Variants in RERE observed in about 807,000 individuals in gnomAD.
The protein encoded by RERE is arginine-glutamic acid dipeptide repeats.
Under a neutral mutation model 146.1 loss-of-function variants are expected in RERE, and 40 were observed. The observed-to-expected ratio is 0.27, with a 90% CI of 0.21 to 0.36. The LOEUF (loss-of-function observed/expected upper bound fraction) is 0.36, where lower values mean the gene tolerates loss of function less well. RERE is among the 10% of genes least tolerant of loss of function. The pLI is 1.00. For synonymous variants in RERE, 1,003 were observed against 866.0 expected, an observed-to-expected ratio of 1.16 and a Z score of -2.78; for missense variants, 1,933 against 2,138.7, an observed-to-expected ratio of 0.90 and a Z score of 1.90.
chr1:8,453,759 T>C (rs1390575799), intron 11 of RERE, among the ~76,000 whole-genome samples: 1 of 152,056 alleles, frequency 6.6e-6, no homozygotes, highest in African/African-American at 2.4e-5. Flanking sequence ...TGAGCTGAGA[T>C]CACACCATTG....
chr1:8,741,846 ATGT>A (rs1640316770), intron 1 of RERE, among the ~76,000 whole-genome samples: 1 of 152,238 alleles, frequency 6.6e-6, no homozygotes, highest in African/African-American at 2.4e-5. Flanking sequence ...TATATCTGAT[ATGT>A]TGATCAGTGT....
chr1:8,381,111 T>C (rs1229304825), intron 12 of RERE: 3 of 417,876 alleles, frequency 7.2e-6, no homozygotes, highest in African/African-American at 2.1e-5. Context: ...CACACTTTAC[T>C]GACCCATAGG....
intron 12 of RERE, among the ~76,000 whole-genome samples, chr1:8,386,748 CAAGTA>C (rs1168066218): frequency 1.3e-5 from 2 of 151,904 alleles, no homozygotes; most frequent in Non-Finnish European, 2.9e-5. Flanking sequence ...GTTGGATTTT[CAAGTA>C]AAGTTTACCT....
chr1:8,387,179 G>A (rs997134786), intron 12 of RERE, among the ~76,000 whole-genome samples: 4 of 152,192 alleles, frequency 2.6e-5, no homozygotes, highest in African/African-American at 4.8e-5. Context: ...CACTCTTATG[G>A]AAATTTCACT....
chr1:8,368,598 A>G (rs1570063806), intron 12 of RERE, among the ~76,000 whole-genome samples: 1 of 152,280 alleles, frequency 6.6e-6, no homozygotes, highest in East Asian at 1.9e-4. Context: ...AGCCTCTGCC[A>G]TGCCTTCAAG....
At chr1:8,444,920 T>TA (rs58458546) in intron 11 of RERE, among the ~76,000 whole-genome samples, 350 of 141,114 alleles carry the variant, frequency 2.5e-3, no homozygotes, top group Non-Finnish European at 2.3e-3. Context: ...TTTCTTTATT[T>TA]AAAAAAAAAA....
intron 10 of RERE, among the ~76,000 whole-genome samples, chr1:8,492,394 A>T (rs1219556000): frequency 6.6e-6 from 1 of 152,224 alleles, no homozygotes; most frequent in East Asian, 1.9e-4. Context: ...ATATGGCAAG[A>T]TCTTCATTAT....
chr1:8,727,482 T>A (rs1639995487), intron 1 of RERE, among the ~76,000 whole-genome samples: 1 of 151,870 alleles, frequency 6.6e-6, no homozygotes, highest in Non-Finnish European at 1.5e-5. Context: ...AATTACCCAC[T>A]GTTTTTTATT....
At chr1:8,386,687 A>G (rs982213836) in intron 12 of RERE, among the ~76,000 whole-genome samples, 25 of 152,086 alleles carry the variant, frequency 1.6e-4, no homozygotes, top group African/African-American at 5.8e-4. Flanking sequence ...GATGCCCAAT[A>G]TGATTAGTAA....
chr1:8,383,147 G>A (rs1005255227), intron 12 of RERE, among the ~76,000 whole-genome samples: 1 of 151,906 alleles, frequency 6.6e-6, no homozygotes, highest in Non-Finnish European at 1.5e-5. Flanking sequence ...TGGTAATGGT[G>A]TCTGGGCCTA....
chr1:8,546,597 C>T (rs542492131), intron 6 of RERE, among the ~76,000 whole-genome samples: 2 of 151,924 alleles, frequency 1.3e-5, no homozygotes, highest in African/African-American at 4.8e-5. Context: ...CCTGTAATTC[C>T]AGCACTTTGG....
intron 10 of RERE, among the ~76,000 whole-genome samples, chr1:8,490,149 T>C (rs1570326020): frequency 6.7e-6 from 1 of 150,296 alleles, no homozygotes; most frequent in Non-Finnish European, 1.5e-5. Context: ...GATCACGAGG[T>C]CAAGAGGTCA....
At chr1:8,529,439 G>A (rs1033677144) in intron 7 of RERE, among the ~76,000 whole-genome samples, 2 of 148,846 alleles carry the variant, frequency 1.3e-5, no homozygotes, top group Non-Finnish European at 3.0e-5. Flanking sequence ...ACAGGTGCCC[G>A]CCACTACACC....
Position 8,355,463 on chromosome 1 carries a change from G to A in RERE, c.4623C>T (p.Pro1541=), listed in dbSNP as rs745557455. 3 of 1,612,888 alleles carry A rather than the reference G, an allele frequency of 1.9e-6. No individual in the cohort carries two copies. The Admixed American group carries it at 5.0e-5, about 27-fold the overall frequency. ...TTGGTAGGTGGCCACCATGCATGTG[G>A]GGGTGTCCATGCAGCCACTGCTGCT... ...AMEQQWLHGH[P]HMHGGHLPSQ... The change falls in exon 22 of 23, where the codon CCC becomes CCT. Residue 1541 remains proline (P), a synonymous_variant. Coordinates refer to ENST00000400908, the MANE Select transcript of RERE (RefSeq NM_001042681.2).
chr1:8,795,120 C>T (rs1469232170), intron 1 of RERE, among the ~76,000 whole-genome samples: 2 of 152,064 alleles, frequency 1.3e-5, no homozygotes, highest in Non-Finnish European at 2.9e-5. Context: ...CTCTGCCTCC[C>T]GGGTTTAGGT....
At chr1:8,753,143 T>G (rs190064925) in intron 1 of RERE, among the ~76,000 whole-genome samples, 1 of 152,302 alleles carries the variant, frequency 6.6e-6, no homozygotes, top group Non-Finnish European at 1.5e-5. Context: ...CTTCCTCTCC[T>G]GGGAGTTTCC....
rs1569651434 is a variant in RERE, at chr1:8,729,362, C to T, written c.-144-72921G>A. On this transcript the variant is annotated intron_variant, in intron 1 of 22. Coordinates refer to ENST00000400908, the MANE Select transcript of RERE (RefSeq NM_001042681.2). ...GCCTCAGCCTCCCAAGTAGCTGGGA[C>T]TACAGGCACGTGCCACCATGCCTGG... 3.3e-5 allele frequency among the ~76,000 whole-genome samples: 5 copies of T among 151,138 alleles called. No individual in the cohort carries two copies. The South Asian group carries it at 1.1e-3, about 32-fold the overall frequency.
At chr1:8,466,153 T>G in intron 10 of RERE, 130 bp from the exon 11 acceptor site, 2 of 703,452 alleles carry the variant, frequency 2.8e-6, no homozygotes, top group South Asian at 3.8e-5. Context: ...ACTCCATCAT[T>G]TCAGTAGGCG....
intron 10 of RERE, among the ~76,000 whole-genome samples, chr1:8,489,358 A>AC (rs1446835904): frequency 6.6e-6 from 1 of 151,862 alleles, no homozygotes; most frequent in Non-Finnish European, 1.5e-5. Flanking sequence ...AGACTTAAAA[A>AC]AAAAAAGAAA....
Sources: allele counts gnomAD v4.1 joint callset (sites outside exome capture counted in the v4.1 genomes callset), GRCh38; gene constraint gnomAD v4.1.1; transcripts MANE v1.5; gene names NCBI Gene and HGNC (gene_info 2026-07-23, HGNC 2026-07-21).